The following HEATR5B variants were observed in gnomAD, a reference collection of about 807,000 sequenced individuals.
The protein encoded by HEATR5B is HEAT repeat containing 5B.
A neutral mutation model predicts 224.1 loss-of-function variants in HEATR5B; 156 were observed. The ratio of observed to expected loss-of-function variants is 0.70; its 90% confidence interval spans 0.61 to 0.80. The LOEUF is 0.80. Ranked by LOEUF, HEATR5B falls within the 30% of genes least tolerant of loss-of-function variation. HEATR5B has a pLI of 0.00. For synonymous variants in HEATR5B, 1,027 were observed against 893.0 expected (o/e 1.15, Z -2.68); for missense variants, 2,323 against 2,535.5 (o/e 0.92, Z 1.80).
chr2:37,049,801 G>C lies in HEATR5B; in HGVS notation c.2548C>G (p.Arg850Gly). 1 of 1,550,526 alleles carries C rather than the reference G, an allele frequency of 6.4e-7. No homozygotes were observed. Among genetic ancestry groups the C allele is most frequent in the Non-Finnish European group, 8.7e-7 (1 of 1,152,648 alleles). Residue 850 changes from arginine (R) to glycine (G), a missense_variant, in exon 18 of 36, where the codon CGT becomes GGT. By Grantham distance (125) the Arg-to-Gly change is moderately radical (BLOSUM62 -2). Coordinates refer to ENST00000233099, the MANE Select transcript of HEATR5B (RefSeq NM_019024.3). ...ATAACCAGTGTCAGGGCAGATTTAC[G>C]AACTTCCTCAGGTCCTAAAGTACTT... The part of the protein sequence containing the change: ...NKSTLGPEEV[R>G]KSALTLVMGP...
At chr2:36,983,969 C>T (rs973193245) in intron 35 of HEATR5B, among the ~76,000 whole-genome samples, 2 of 150,612 alleles carry the variant, frequency 1.3e-5, no homozygotes, top group African/African-American at 4.9e-5. Context: ...GAGGCTGAGG[C>T]GGGTGGATCA....
rs993539985 is a variant in HEATR5B at position 37,002,494 on chromosome 2, G to T, written c.5129C>A (p.Ser1710Tyr). ...CAGCTCCATAGTTGCAAACACAAGA[G>T]ATTTTCCAGGAATGAGACCACCGCT... Reference protein sequence around the residue: ...GDSGGLIPGKSLVFATMELLM... With the variant: ...GDSGGLIPGKYLVFATMELLM... Residue 1710 changes from serine to tyrosine, a missense_variant, in exon 32 of 36, where the codon TCT becomes TAT. Physicochemically the swap from Ser to Tyr is moderately radical, Grantham distance 144. Around this residue, in one of 12 missense-constraint regions of HEATR5B, gnomAD observed 844 missense variants for 812.9 expected, o/e 1.04. Transcript: ENST00000233099. 1 of 1,614,102 alleles carries T rather than the reference G, an allele frequency of 6.2e-7. No individual in the cohort carries two copies. The highest frequency in any genetic ancestry group is 8.5e-7 in the Non-Finnish European group (1 of 1,180,028).
At chr2:37,003,324 G>C (rs1667210361) in intron 31 of HEATR5B, among the ~76,000 whole-genome samples, 2 of 147,900 alleles carry the variant, frequency 1.4e-5, no homozygotes, top group African/African-American at 5.0e-5. Context: ...TATAGTCTCA[G>C]CTACTCAGAA....
intron 22 of HEATR5B, among the ~76,000 whole-genome samples, chr2:37,029,566 A>G (rs1395401117): frequency 3.3e-5 from 5 of 152,202 alleles, no homozygotes; most frequent in Non-Finnish European, 7.3e-5. Flanking sequence ...CAGAAGGCTG[A>G]GGCAGGAGAA....
chr2:36,982,443 G>C (rs1298289183), intron 35 of HEATR5B, among the ~76,000 whole-genome samples: 5 of 151,932 alleles, frequency 3.3e-5, no homozygotes, highest in African/African-American at 9.7e-5. Context: ...CTCCATCCTG[G>C]GATATAAGTT....
intron 26 of HEATR5B, among the ~76,000 whole-genome samples, chr2:37,018,507 G>A (rs1447546671): frequency 6.6e-6 from 1 of 152,226 alleles, no homozygotes; most frequent in African/African-American, 2.4e-5. Context: ...CGTGGAAAGA[G>A]TTAATTTCTC....
chr2:37,034,575 T>C (rs1016397368), intron 21 of HEATR5B, among the ~76,000 whole-genome samples: 14 of 121,160 alleles, frequency 1.2e-4, no homozygotes, highest in African/African-American at 4.5e-4. Context: ...ATCCCGCCAC[T>C]GCACTCCAGC....
At chr2:37,014,318 C>T (rs750080708) in intron 26 of HEATR5B, among the ~76,000 whole-genome samples, 16 of 151,760 alleles carry the variant, frequency 1.1e-4, no homozygotes, top group African/African-American at 3.9e-4. Flanking sequence ...CGTGCCACCA[C>T]ACTTGGCTAA....
chr2:37,000,159 C>A (rs559527283), intron 33 of HEATR5B, among the ~76,000 whole-genome samples: 1 of 151,866 alleles, frequency 6.6e-6, no homozygotes, highest in South Asian at 2.1e-4. Context: ...CTCACCGCAA[C>A]CTCCACCTCC....
At chr2:37,076,855 G>C in intron 4 of HEATR5B, 56 bp downstream of exon 4, 6 of 1,279,466 alleles carry the variant, frequency 4.7e-6, no homozygotes, top group Non-Finnish European at 6.8e-6. Flanking sequence ...TATTTTAGCT[G>C]ACATCTAACT....
At chr2:37,050,695 AT>A (rs1670483950) in intron 17 of HEATR5B, among the ~76,000 whole-genome samples, 1 of 152,218 alleles carries the variant, frequency 6.6e-6, no homozygotes, top group African/African-American at 2.4e-5. Flanking sequence ...TTATATAAAA[AT>A]TTCACAGAAG....
Position 37,007,050 on chromosome 2 carries a change from C to T in HEATR5B, c.4777G>A (p.Gly1593Ser). Reference sequence around the variant, plus strand: ...AAATATATTAATATGACAGACCTACCTAAAATCAGATGCATTCTGTCTTTG... The same window carrying T: ...AAATATATTAATATGACAGACCTACTTAAAATCAGATGCATTCTGTCTTTG... ...INKDRMHLIL[G>S]VSIQFLCSPR... The change falls in exon 29 of 36, where the codon GGT (glycine) becomes AGT (serine). Residue 1593 changes from glycine to serine, a missense_variant and splice_region_variant. Gly to Ser is a moderately conservative substitution (Grantham distance 56, BLOSUM62 0). This residue lies in a region of HEATR5B where 844 missense variants were observed against 812.9 expected (regional missense o/e 1.04). Transcript: ENST00000233099. 6.2e-7 allele frequency: 1 copy of T among 1,613,492 alleles called. No homozygotes were observed. Among genetic ancestry groups the T allele is most frequent in the Non-Finnish European group, 8.5e-7 (1 of 1,179,496 alleles).
Position 37,001,861 on chromosome 2 carries a change from T to C in HEATR5B, c.5317+445A>G, listed in dbSNP as rs554987074. Reference sequence around the variant, plus strand: ...TTTGCATTTTTAGTAGAGATGGCATTTCACCATGTTGGTCAGGCTGGTCAG... The same window carrying C: ...TTTGCATTTTTAGTAGAGATGGCATCTCACCATGTTGGTCAGGCTGGTCAG... On this transcript the variant is annotated intron_variant, in intron 32 of 35. Coordinates refer to ENST00000233099, the MANE Select transcript of HEATR5B (RefSeq NM_019024.3). Among the ~76,000 whole-genome samples the C allele has an allele frequency of 5.3e-5, 8 of 152,244 alleles. No homozygotes were observed. In the South Asian group the frequency reaches 8.3e-4, roughly 16 times the overall value.
Position 37,083,436 on chromosome 2 carries a change from C to T in HEATR5B, c.-22G>A, listed in dbSNP as rs1672743346. 2 of 1,600,864 alleles carry T rather than the reference C, an allele frequency of 1.2e-6. No homozygotes were observed. The highest frequency in any genetic ancestry group is 1.7e-6 in the Non-Finnish European group (2 of 1,170,676). On this transcript the variant is annotated splice_region_variant and 5_prime_UTR_variant, in exon 2 of 36. The change creates a new upstream start codon in the 5' untranslated region. Transcript: ENST00000233099. ...CCATTACGGAAGTTTGAAATTCACACCTTAAATTTAACAGAGTAAAAAATA... is the reference window on the plus strand; with the variant it reads ...CCATTACGGAAGTTTGAAATTCACATCTTAAATTTAACAGAGTAAAAAATA...
intron 18 of HEATR5B, among the ~76,000 whole-genome samples, chr2:37,041,591 A>T (rs1669874393): frequency 1.3e-5 from 2 of 152,076 alleles, no homozygotes; most frequent in African/African-American, 2.4e-5. Context: ...AAAAAAAATT[A>T]AAAACTTAAT....
At chr2:36,985,057 A>G (rs1196907586) in intron 35 of HEATR5B, among the ~76,000 whole-genome samples, 1 of 152,188 alleles carries the variant, frequency 6.6e-6, no homozygotes, top group African/African-American at 2.4e-5. Context: ...CCATTCTTAT[A>G]CCGGATACTG....
At chr2:37,069,174 G>A (rs894197557) in intron 7 of HEATR5B, among the ~76,000 whole-genome samples, 4 of 152,236 alleles carry the variant, frequency 2.6e-5, no homozygotes, top group Non-Finnish European at 4.4e-5. Flanking sequence ...AGGGACAGCA[G>A]TGAGAGGGAA....
At chr2:37,043,507 T>G (rs1341544878) in intron 18 of HEATR5B, among the ~76,000 whole-genome samples, 1 of 152,214 alleles carries the variant, frequency 6.6e-6, no homozygotes, top group East Asian at 1.9e-4. Context: ...AGAGTTCTTC[T>G]CCAAGGGCAA....
In HEATR5B at chr2:37,038,769, A is replaced by ACCC. The variant is rs3084389; in HGVS notation, c.3047-748_3047-746dup. On this transcript the variant is annotated intron_variant, in intron 20 of 35. Transcript: ENST00000233099. Reference sequence around the variant, plus strand: ...AGACCAGCCTGGCCAACATAGTGGAACCCCCGTCTCTACTGAAAATACAAG... The same window carrying ACCC: ...AGACCAGCCTGGCCAACATAGTGGAACCCCCCCCGTCTCTACTGAAAATACAAG... 3.0e-4 allele frequency among the ~76,000 whole-genome samples: 45 copies of ACCC among 151,068 alleles called. 1 individual carries two copies. The East Asian group carries it at 3.4e-3, about 12-fold the overall frequency.
Sources: gnomAD v4.1 joint callset for allele counts (sites outside exome capture counted in the v4.1 genomes callset) on GRCh38, gnomAD v4.1.1 for gene constraint, gnomAD v4.1.1 regional missense constraint, MANE v1.5 for transcripts, NCBI Gene and HGNC (gene_info 2026-07-23, HGNC 2026-07-21) for gene names.